NEDD4L: variants seen among roughly 807,000 people sequenced by gnomAD.
The protein encoded by NEDD4L is NEDD4 like E3 ubiquitin protein ligase.
In NEDD4L, 54 loss-of-function variants were observed where a neutral mutation model predicts 148.9. The ratio of observed to expected loss-of-function variants is 0.36; its 90% confidence interval spans 0.29 to 0.45. The LOEUF (loss-of-function observed/expected upper bound fraction) is 0.45. Among genes scored for constraint, NEDD4L ranks in the 20% least tolerant of loss-of-function variants. The pLI is 1.00. For missense variants in NEDD4L, 856 were observed against 1,233.8 expected, an observed-to-expected ratio of 0.69 and a Z score of 4.59; for synonymous variants, 433 against 440.7, an observed-to-expected ratio of 0.98 and a Z score of 0.22.
At chr18:58,247,049 C>CA (rs894204991) in intron 3 of NEDD4L, among the ~76,000 whole-genome samples, 1 of 151,982 alleles carries the variant, frequency 6.6e-6, no homozygotes, top group African/African-American at 2.4e-5. Context: ...AAAAAAAACC[C>CA]AAAAAACAAA....
At chr18:58,261,761 A>G (rs1233153843) in intron 5 of NEDD4L, among the ~76,000 whole-genome samples, 1 of 152,218 alleles carries the variant, frequency 6.6e-6, no homozygotes, top group Non-Finnish European at 1.5e-5. Flanking sequence ...TACTTGTGCA[A>G]CTGTCAATGA....
At position 58,091,881 on chromosome 18, in the gene NEDD4L, CA is replaced by C. The variant is rs1456050883; in HGVS notation, c.48+47174del. On this transcript the variant is annotated intron_variant, in intron 1 of 30. Transcript: ENST00000400345. Reference sequence around the variant, plus strand: ...AAGCTCCTTTGGCAACCAGATGCCACAGGGGACTCATTTCATGCTTTTAGAA... The same window carrying C: ...AAGCTCCTTTGGCAACCAGATGCCACGGGGACTCATTTCATGCTTTTAGAA... Among the ~76,000 whole-genome samples the C allele has an allele frequency of 6.6e-5, 10 of 152,330 alleles. No homozygotes were observed. The East Asian group carries it at 1.9e-3, about 29-fold the overall frequency.
intron 9 of NEDD4L, 28 bp from the exon 10 acceptor site, chr18:58,328,967 T>A: frequency 6.2e-7 from 1 of 1,613,580 alleles, no homozygotes; most frequent in Non-Finnish European, 8.5e-7. Flanking sequence ...CTTCTCTTCT[T>A]CTCTTTCCCC....
intron 30 of NEDD4L, among the ~76,000 whole-genome samples, chr18:58,395,042 C>T (rs912990128): frequency 1.3e-4 from 20 of 152,186 alleles, no homozygotes; most frequent in African/African-American, 4.6e-4. Flanking sequence ...TGCTGTGTCT[C>T]AAGCTCCTCC....
At chr18:58,089,047 C>G (rs909254911) in intron 1 of NEDD4L, among the ~76,000 whole-genome samples, 4 of 151,804 alleles carry the variant, frequency 2.6e-5, no homozygotes, top group African/African-American at 9.7e-5. Flanking sequence ...GCTTTTGCTC[C>G]ATAATGTGGA....
chr18:58,311,448 AC>A (rs1210337387), intron 5 of NEDD4L, among the ~76,000 whole-genome samples: 1 of 151,714 alleles, frequency 6.6e-6, no homozygotes, highest in Admixed American at 6.6e-5. Flanking sequence ...TGCACCCTCA[AC>A]CCCCTGGGCT....
At chr18:58,052,532 C>T (rs1023290270) in intron 1 of NEDD4L, among the ~76,000 whole-genome samples, 1 of 152,160 alleles carries the variant, frequency 6.6e-6, no homozygotes, top group African/African-American at 2.4e-5. Context: ...CCCTTGCTGT[C>T]ATCAAATTCA....
intron 1 of NEDD4L, among the ~76,000 whole-genome samples, chr18:58,123,966 A>C (rs2030524629): frequency 6.6e-6 from 1 of 152,298 alleles, no homozygotes; most frequent in East Asian, 1.9e-4. Flanking sequence ...GCATCCTTCC[A>C]AATAGCGTAA....
intron 5 of NEDD4L, among the ~76,000 whole-genome samples, chr18:58,276,982 C>T (rs1283836581): frequency 1.3e-5 from 2 of 152,162 alleles, no homozygotes; most frequent in East Asian, 3.9e-4. Context: ...CTTTGTTTTT[C>T]CCTTGGGGAG....
At chr18:58,300,032 C>T (rs980646153) in intron 5 of NEDD4L, among the ~76,000 whole-genome samples, 1 of 152,162 alleles carries the variant, frequency 6.6e-6, no homozygotes, top group Non-Finnish European at 1.5e-5. Flanking sequence ...CAGCCACATC[C>T]ATGACTTAAG....
chr18:58,199,612 C>A (rs935186180), intron 2 of NEDD4L, among the ~76,000 whole-genome samples: 6 of 152,196 alleles, frequency 3.9e-5, no homozygotes, highest in African/African-American at 1.4e-4. Flanking sequence ...CATTTAAGTT[C>A]TCTGAAGTGG....
At chr18:58,389,324 G>A (rs1397945053) in intron 28 of NEDD4L, 132 bp downstream of exon 28, 4 of 638,684 alleles carry the variant, frequency 6.3e-6, no homozygotes, top group African/African-American at 5.5e-5. Context: ...TGGACTGCTG[G>A]GGGAGGGAAG....
chr18:58,181,633 C>T (rs1049607728), intron 2 of NEDD4L, among the ~76,000 whole-genome samples: 2 of 152,064 alleles, frequency 1.3e-5, no homozygotes, highest in African/African-American at 2.4e-5. Context: ...ACAGGGATCT[C>T]GCTATATTGC....
intron 5 of NEDD4L, among the ~76,000 whole-genome samples, chr18:58,270,454 A>G (rs867443178): frequency 8.5e-5 from 13 of 152,186 alleles, no homozygotes; most frequent in Non-Finnish European, 1.6e-4. Context: ...TGAACTGCCC[A>G]TAGTCTGGCC....
chr18:58,264,139 G>T (rs765964725), intron 5 of NEDD4L, among the ~76,000 whole-genome samples: 1 of 152,046 alleles, frequency 6.6e-6, no homozygotes, highest in African/African-American at 2.4e-5. Context: ...TCTTACTACA[G>T]TAATTATCTT....
chr18:58,169,174 A>G (rs570906390), intron 2 of NEDD4L, among the ~76,000 whole-genome samples: 1 of 152,304 alleles, frequency 6.6e-6, no homozygotes, highest in South Asian at 2.1e-4. Context: ...CCAGTCCAGT[A>G]CTTAGGATCC....
Position 58,044,501 on chromosome 18 carries a change from G to A in NEDD4L, c.-160G>A. ...CCGGCAGCGTCCAGGGCGCGCTCTC[G>A]GGCACCCTCACCTGCCGGCGCCCGG... On this transcript the variant is annotated 5_prime_UTR_variant, in exon 1 of 31. Coordinates refer to ENST00000400345, the MANE Select transcript of NEDD4L (RefSeq NM_001144967.3). The A allele has an allele frequency of 9.9e-7, 1 of 1,005,364 alleles. No homozygotes were observed. The highest frequency in any genetic ancestry group is 1.3e-6 in the Non-Finnish European group (1 of 774,478). The allele number at this position is 1,005,364 out of a possible 1,614,324, so 62.3% of individuals were successfully genotyped here. A position where few individuals can be genotyped will look rare whatever the true frequency, so the allele number is the denominator to read the frequency against.
At chr18:58,128,862 G>A (rs1009197295) in intron 1 of NEDD4L, among the ~76,000 whole-genome samples, 1 of 152,166 alleles carries the variant, frequency 6.6e-6, no homozygotes, top group African/African-American at 2.4e-5. Context: ...TGCTGACTGC[G>A]AGCTCACGGT....
intron 1 of NEDD4L, among the ~76,000 whole-genome samples, chr18:58,156,034 A>G (rs770818957): frequency 6.6e-5 from 10 of 152,054 alleles, no homozygotes; most frequent in Non-Finnish European, 1.3e-4. Flanking sequence ...CCAGCTGGTG[A>G]TTTGGTTTCT....
Sources: allele counts gnomAD v4.1 joint callset (sites outside exome capture counted in the v4.1 genomes callset), GRCh38; gene constraint gnomAD v4.1.1; transcripts MANE v1.5; gene names NCBI Gene and HGNC (gene_info 2026-07-23, HGNC 2026-07-21).